Variants in IGF1 observed in about 807,000 individuals in gnomAD.
IGF1 encodes the protein insulin-like growth factor 1.
In IGF1, 4 loss-of-function variants were observed where a neutral mutation model predicts 13.8. The ratio of observed to expected loss-of-function variants is 0.29; its 90% CI spans 0.14 to 0.66. The LOEUF is 0.66. Ranked by LOEUF, IGF1 falls within the 30% of genes least tolerant of loss-of-function variation. IGF1 has a pLI of 0.78. For synonymous variants in IGF1, 76 were observed against 72.6 expected (o/e 1.05, Z -0.23); for missense variants, 124 against 188.5 (o/e 0.66, Z 2.00).
Position 102,470,517 on chromosome 12 carries a change from C to T in IGF1, c.220+5126G>A, listed in dbSNP as rs1592831193. Among the ~76,000 whole-genome samples, 3 of 152,194 alleles carry T rather than the reference C, an allele frequency of 2.0e-5. No homozygotes were observed. The South Asian group carries it at 6.2e-4, about 32-fold the overall frequency. On this transcript the variant is annotated intron_variant, in intron 2 of 3. Transcript: ENST00000337514. ...GGGTCAATATAAAAACACATTGCTT[C>T]TCTTTAATAATATCTGTAGCCTATT...
In IGF1 at chr12:102,425,969, A is replaced by G. The variant is rs187037665; in HGVS notation, c.221-6279T>C. On this transcript the variant is annotated intron_variant, in intron 2 of 3. Transcript: ENST00000337514. ...CCTAAGGGAATGGTTTGGTTTATCA[A>G]CGTCTAAGGTGAAAGATAATCAAAT... Among the ~76,000 whole-genome samples, 200 of 152,360 alleles carry G rather than the reference A, an allele frequency of 1.3e-3. 1 individual carries two copies. In the South Asian group the frequency reaches 0.015, roughly 11 times the overall value.
chr12:102,426,075 TTG>T (rs1876175199), intron 2 of IGF1, among the ~76,000 whole-genome samples: 2 of 152,240 alleles, frequency 1.3e-5, no homozygotes, highest in African/African-American at 4.8e-5. Context: ...GTTATATTGT[TTG>T]TATTATTTAG....
chr12:102,452,216 C>T (rs1277263520), intron 2 of IGF1, among the ~76,000 whole-genome samples: 3 of 133,770 alleles, frequency 2.2e-5, no homozygotes, highest in Non-Finnish European at 4.6e-5. Flanking sequence ...GAGCCGAGAT[C>T]GCGCCACTGC....
At chr12:102,415,543 T>TTTCGTTCCTTCC (rs1875018421) in intron 3 of IGF1, among the ~76,000 whole-genome samples, 2 of 81,722 alleles carry the variant, frequency 2.4e-5, no homozygotes, top group Admixed American at 2.7e-4. Flanking sequence ...CTTCCTTCCC[T>TTTCGTTCCTTCC]TTCCTTCCTT....
intron 3 of IGF1, among the ~76,000 whole-genome samples, chr12:102,418,789 T>C (rs998772886): frequency 3.3e-5 from 5 of 152,246 alleles, no homozygotes; most frequent in Admixed American, 6.5e-5. Context: ...ACTGATGGCA[T>C]AGTTGGTACC....
At chr12:102,417,638 G>GT in intron 3 of IGF1, 1 of 1,325,818 alleles carries the variant, frequency 7.5e-7, no homozygotes, top group Non-Finnish European at 9.6e-7. Flanking sequence ...TTTCTTTTCC[G>GT]TTTTCTCCAT....
At chr12:102,477,774 G>A (rs1204617944) in intron 1 of IGF1, among the ~76,000 whole-genome samples, 1 of 152,024 alleles carries the variant, frequency 6.6e-6, no homozygotes, top group Non-Finnish European at 1.5e-5. Context: ...TAGCAATGCT[G>A]AAGGCTAAGC....
chr12:102,464,617 G>T (rs1880168589), intron 2 of IGF1, among the ~76,000 whole-genome samples: 2 of 151,796 alleles, frequency 1.3e-5, no homozygotes, highest in African/African-American at 4.8e-5. Flanking sequence ...TGTTACAACT[G>T]CATCAAATGT....
chr12:102,446,330 C>T (rs1007580122), intron 2 of IGF1, among the ~76,000 whole-genome samples: 12 of 152,194 alleles, frequency 7.9e-5, no homozygotes, highest in South Asian at 2.1e-4. Flanking sequence ...TGGTAGAATT[C>T]GGCTATGCAT....
At chr12:102,478,148 T>A (rs905848541) in intron 1 of IGF1, among the ~76,000 whole-genome samples, 1 of 151,420 alleles carries the variant, frequency 6.6e-6, no homozygotes, top group African/African-American at 2.4e-5. Flanking sequence ...TTCCCACAAA[T>A]GAAAACAATA....
Position 102,454,589 on chromosome 12 carries a change from C to A in IGF1, c.220+21054G>T, listed in dbSNP as rs557937986. 2.6e-5 allele frequency among the ~76,000 whole-genome samples: 4 copies of A among 152,334 alleles called. No homozygotes were observed. The South Asian group carries it at 8.3e-4, about 32-fold the overall frequency. On this transcript the variant is annotated intron_variant, in intron 2 of 3. Coordinates refer to ENST00000337514, the MANE Select transcript of IGF1 (RefSeq NM_000618.5). Reference sequence around the variant, plus strand: ...CGAATAAGCCAGGGCATGACACTCTCCATGAAGCTCCCAAGAATATTTAGG... The same window carrying A: ...CGAATAAGCCAGGGCATGACACTCTACATGAAGCTCCCAAGAATATTTAGG...
rs1213649458 is a variant in IGF1 at position 102,402,052 on chromosome 12, A to G, written c.*455T>C. Reference sequence around the variant, plus strand: ...GACTAACAAGATTATCAGACACTGTAAAACAAACAGCCCGAGTTGTGTAGA... The same window carrying G: ...GACTAACAAGATTATCAGACACTGTGAAACAAACAGCCCGAGTTGTGTAGA... On this transcript the variant is annotated 3_prime_UTR_variant, in exon 4 of 4. Transcript: ENST00000337514. 6.4e-6 allele frequency: 1 copy of G among 155,324 alleles called. No individual in the cohort carries two copies. Among genetic ancestry groups the G allele is most frequent in the Non-Finnish European group, 1.4e-5 (1 of 70,530 alleles). 9.6% of individuals were successfully genotyped at this position (155,324 alleles called of 1,614,324 possible).
At chr12:102,427,279 C>T (rs1337485308) in intron 2 of IGF1, among the ~76,000 whole-genome samples, 1 of 152,104 alleles carries the variant, frequency 6.6e-6, no homozygotes, top group Non-Finnish European at 1.5e-5. Context: ...GTAGCTATGC[C>T]ACCAGCATTA....
chr12:102,398,293 G>A lies in IGF1; in HGVS notation c.*4214C>T, dbSNP rs1592724690. The stretch of plus-strand genomic sequence containing the variant: ...TGAGATGTCTGGGTGAAGGGAGAAT[G>A]TCTTCTATAAACCAGTAAATGCCAA... On this transcript the variant is annotated 3_prime_UTR_variant, in exon 4 of 4. Coordinates refer to ENST00000337514, the MANE Select transcript of IGF1 (RefSeq NM_000618.5). The A allele has an allele frequency of 6.5e-6, 1 of 152,746 alleles. No homozygotes were observed. The highest frequency in any genetic ancestry group is 2.1e-4 in the South Asian group (1 of 4,830). 9.5% of individuals were successfully genotyped at this position (152,746 alleles called of 1,614,324 possible). A position where few individuals can be genotyped will look rare whatever the true frequency, so the allele number is the denominator to read the frequency against.
chr12:102,450,301 A>G (rs988217452), intron 2 of IGF1, among the ~76,000 whole-genome samples: 1 of 152,248 alleles, frequency 6.6e-6, no homozygotes, highest in African/African-American at 2.4e-5. Flanking sequence ...CATGACAAAG[A>G]GTAAGAGAGT....
rs1222124944 is a variant in IGF1 at position 102,397,003 on chromosome 12, C to T, written c.*5504G>A. 7.6e-6 allele frequency: 3 copies of T among 392,396 alleles called. No individual in the cohort carries two copies. The highest frequency in any genetic ancestry group is 1.3e-5 in the Non-Finnish European group (3 of 222,706). 24.3% of individuals were successfully genotyped at this position (392,396 alleles called of 1,614,324 possible). On this transcript the variant is annotated 3_prime_UTR_variant, in exon 4 of 4. Transcript: ENST00000337514. Reference sequence around the variant, plus strand: ...AAATCACAAGGTCAGGAGTTTGAGACCAACCTGGCCAACATGGTAAAACCC... The same window carrying T: ...AAATCACAAGGTCAGGAGTTTGAGATCAACCTGGCCAACATGGTAAAACCC...
intron 1 of IGF1, chr12:102,478,517 G>A: frequency 6.2e-7 from 1 of 1,611,324 alleles, no homozygotes; most frequent in Non-Finnish European, 8.5e-7. Flanking sequence ...TTTGTTCCAG[G>A]TCTTTTACAG....
intron 3 of IGF1, among the ~76,000 whole-genome samples, chr12:102,403,431 C>T (rs887031278): frequency 2.0e-5 from 3 of 151,614 alleles, no homozygotes; most frequent in African/African-American, 7.2e-5. Flanking sequence ...CACTCATCAA[C>T]AAGCAATGAT....
chr12:102,448,599 T>G (rs1592796525), intron 2 of IGF1, among the ~76,000 whole-genome samples: 1 of 143,016 alleles, frequency 7.0e-6, no homozygotes, highest in Non-Finnish European at 1.5e-5. Flanking sequence ...AGATGACACA[T>G]TAGTGGGTGC....
Sources: gnomAD v4.1 joint callset for allele counts (sites outside exome capture counted in the v4.1 genomes callset) on GRCh38, gnomAD v4.1.1 for gene constraint, MANE v1.5 for transcripts, NCBI Gene and HGNC (gene_info 2026-07-23, HGNC 2026-07-21) for gene names.